PALLD: variants seen among roughly 807,000 people sequenced by gnomAD.
PALLD encodes palladin, cytoskeletal associated protein.
A neutral mutation model predicts 123.5 loss-of-function variants in PALLD; 61 were observed. The ratio of observed to expected loss-of-function variants is 0.49; its 90% CI spans 0.40 to 0.61. The LOEUF (loss-of-function observed/expected upper bound fraction) is 0.61, where lower values mean the gene tolerates loss of function less well. Ranked by LOEUF, PALLD falls within the 20% of genes least tolerant of loss-of-function variation. The probability of loss-of-function intolerance (pLI) is 0.00; values close to 1 mark genes in which losing one functional copy is unlikely to be tolerated. For synonymous variants in PALLD, 465 were observed against 496.4 expected (o/e 0.94, Z 0.84); for missense variants, 1,273 against 1,377.0 (o/e 0.92, Z 1.20).
At chr4:168,515,232 C>T (rs76034096) in intron 2 of PALLD, among the ~76,000 whole-genome samples, 2 of 152,166 alleles carry the variant, frequency 1.3e-5, no homozygotes, top group Admixed American at 6.6e-5. Flanking sequence ...GAACATTGAG[C>T]TCTTTTGACC....
At chr4:168,566,995 A>G (rs1330046226) in intron 2 of PALLD, among the ~76,000 whole-genome samples, 2 of 152,184 alleles carry the variant, frequency 1.3e-5, no homozygotes, top group Non-Finnish European at 1.5e-5. Flanking sequence ...CAACACAGAA[A>G]AACAACTGGA....
chr4:168,755,039 T>C (rs973263874), intron 10 of PALLD, among the ~76,000 whole-genome samples: 10 of 152,148 alleles, frequency 6.6e-5, no homozygotes, highest in Non-Finnish European at 1.5e-4. Flanking sequence ...GAGACCATCC[T>C]GGCTAACACG....
intron 10 of PALLD, among the ~76,000 whole-genome samples, chr4:168,808,504 AC>A (rs1430483354): frequency 6.6e-6 from 1 of 152,148 alleles, no homozygotes; most frequent in Non-Finnish European, 1.5e-5. Flanking sequence ...AAACAAAAAA[AC>A]ATATTTGTGT....
At chr4:168,702,486 G>A (rs568096427) in intron 8 of PALLD, among the ~76,000 whole-genome samples, 20 of 152,226 alleles carry the variant, frequency 1.3e-4, no homozygotes, top group Admixed American at 3.3e-4. Flanking sequence ...TCTGGAAGGC[G>A]GAGGTTGCAG....
chr4:168,556,236 C>T (rs1026320138), intron 2 of PALLD, among the ~76,000 whole-genome samples: 1 of 152,124 alleles, frequency 6.6e-6, no homozygotes, highest in Non-Finnish European at 1.5e-5. Context: ...GCTGGGACTA[C>T]AGGTGCCCAC....
chr4:168,872,794 G>A (rs1177047083), intron 10 of PALLD, among the ~76,000 whole-genome samples: 1 of 152,152 alleles, frequency 6.6e-6, no homozygotes, highest in East Asian at 1.9e-4. Flanking sequence ...TTCATGCAGT[G>A]GACCTAGCTT....
intron 15 of PALLD, among the ~76,000 whole-genome samples, chr4:168,913,040 A>G (rs1466742269): frequency 1.3e-5 from 2 of 152,204 alleles, no homozygotes; most frequent in South Asian, 2.1e-4. Flanking sequence ...TCATTTAGTC[A>G]TGAAGCTCTC....
intron 2 of PALLD, among the ~76,000 whole-genome samples, chr4:168,596,015 T>C (rs1342068257): frequency 6.6e-6 from 1 of 152,076 alleles, no homozygotes; most frequent in Admixed American, 6.6e-5. Flanking sequence ...GCTTGTGTTG[T>C]TATAAATGTA....
intron 10 of PALLD, among the ~76,000 whole-genome samples, chr4:168,846,864 C>T (rs551199960): frequency 1.2e-4 from 19 of 152,266 alleles, no homozygotes; most frequent in Admixed American, 9.2e-4. Context: ...TTACCCACTA[C>T]TAGAAATAAG....
intron 5 of PALLD, 140 bp from the exon 6 acceptor site, chr4:168,685,345 C>T (rs755865252): frequency 3.7e-4 from 269 of 732,630 alleles, no homozygotes; most frequent in Non-Finnish European, 6.1e-4. Flanking sequence ...TAAGAGCAGA[C>T]GAGCAAAATG....
intron 2 of PALLD, among the ~76,000 whole-genome samples, chr4:168,620,773 C>T (rs1774690035): frequency 6.6e-6 from 1 of 152,172 alleles, no homozygotes; most frequent in South Asian, 2.1e-4. Context: ...AGACCCTCAC[C>T]AAATTTCTGG....
chr4:168,739,913 A>G (rs1788161313), intron 10 of PALLD, among the ~76,000 whole-genome samples: 1 of 152,178 alleles, frequency 6.6e-6, no homozygotes, highest in South Asian at 2.1e-4. Context: ...CACTCGTAGC[A>G]TGTATTTATG....
Position 168,501,253 on chromosome 4 carries a change from A to T in PALLD, c.-83+4059A>T, listed in dbSNP as rs144458684. ...GAAAGGAGACCCTATCTCTACAGAAAATAAAAAAGAATTAGCAGGACTTGG... is the reference window on the plus strand; with the variant it reads ...GAAAGGAGACCCTATCTCTACAGAATATAAAAAAGAATTAGCAGGACTTGG... On this transcript the variant is annotated intron_variant, in intron 1 of 21. Transcript: ENST00000505667. Among the ~76,000 whole-genome samples the T allele has an allele frequency of 1.4e-3, 212 of 152,254 alleles. 6 individuals carry two copies. In the East Asian group the frequency reaches 0.034, roughly 24 times the overall value.
chr4:168,692,020 A>G (rs974103128), intron 8 of PALLD, among the ~76,000 whole-genome samples: 1 of 152,170 alleles, frequency 6.6e-6, no homozygotes. Flanking sequence ...TATTTTTCCC[A>G]TCAGCAGGGT....
At chr4:168,564,794 T>C (rs895448366) in intron 2 of PALLD, among the ~76,000 whole-genome samples, 3 of 152,170 alleles carry the variant, frequency 2.0e-5, no homozygotes, top group Non-Finnish European at 2.9e-5. Context: ...AAAATCACTA[T>C]AGATTAAGTC....
At chr4:168,567,079 T>G (rs1488911511) in intron 2 of PALLD, among the ~76,000 whole-genome samples, 1 of 152,222 alleles carries the variant, frequency 6.6e-6, no homozygotes, top group African/African-American at 2.4e-5. Context: ...TCTCTGTAGC[T>G]CCATTTTGTA....
intron 2 of PALLD, among the ~76,000 whole-genome samples, chr4:168,547,098 G>T (rs966883618): frequency 6.6e-6 from 1 of 152,056 alleles, no homozygotes; most frequent in Non-Finnish European, 1.5e-5. Context: ...TGTCTCAGCT[G>T]CAGATTTGAT....
intron 2 of PALLD, among the ~76,000 whole-genome samples, chr4:168,542,158 G>A (rs772073009): frequency 2.0e-4 from 31 of 152,164 alleles, no homozygotes; most frequent in Non-Finnish European, 4.1e-4. Flanking sequence ...GGCACAGCAA[G>A]GATAAGTAAT....
intron 2 of PALLD, among the ~76,000 whole-genome samples, chr4:168,521,195 A>C (rs1763528974): frequency 1.3e-5 from 2 of 152,168 alleles, no homozygotes; most frequent in Non-Finnish European, 1.5e-5. Context: ...ACAAAAAAAA[A>C]CAAAACACCT....
Sources: gnomAD v4.1 joint callset for allele counts (sites outside exome capture counted in the v4.1 genomes callset) on GRCh38, gnomAD v4.1.1 for gene constraint, MANE v1.5 for transcripts, NCBI Gene and HGNC (gene_info 2026-07-23, HGNC 2026-07-21) for gene names.